The following WDR11 variants were observed in gnomAD, a reference collection of about 807,000 sequenced individuals.
The protein encoded by WDR11 is WD repeat-containing protein 11.
WDR11 carries 83 observed loss-of-function variants against 151.2 expected under a neutral mutation model. The ratio of observed to expected loss-of-function variants is 0.55; its 90% confidence interval spans 0.46 to 0.66. The LOEUF is 0.66. Among genes scored for constraint, WDR11 ranks in the 30% least tolerant of loss-of-function variants. WDR11 has a pLI of 0.00. For missense variants in WDR11, 1,301 were observed against 1,480.9 expected, an observed-to-expected ratio of 0.88 and a Z score of 1.99; for synonymous variants, 484 against 533.1, an observed-to-expected ratio of 0.91 and a Z score of 1.27.
chr10:120,872,326 T>A (rs879466067), intron 10 of WDR11, among the ~76,000 whole-genome samples: 22 of 152,226 alleles, frequency 1.4e-4, no homozygotes, highest in Admixed American at 1.3e-3. Context: ...AAACTGTTGA[T>A]TAATATTTCA....
At chr10:120,905,598 A>T in intron 26 of WDR11, 182 bp downstream of exon 26, 1 of 787,262 alleles carries the variant, frequency 1.3e-6, no homozygotes, top group Non-Finnish European at 2.1e-6. Context: ...TTATTTAAAA[A>T]TGGATCTTGC....
At chr10:120,857,394 G>C (rs1003811922) in intron 2 of WDR11, among the ~76,000 whole-genome samples, 5 of 152,106 alleles carry the variant, frequency 3.3e-5, no homozygotes, top group African/African-American at 1.2e-4. Context: ...TAGTGAGTAG[G>C]TAAATTGACA....
Position 120,866,966 on chromosome 10 carries a change from AATAG to A in WDR11, c.1191-94_1191-91del, listed in dbSNP as rs145698998. 1,864 of 1,118,558 alleles carry A rather than the reference AATAG, an allele frequency of 1.7e-3. 24 individuals are homozygous for A. The African/African-American group carries it at 0.024, about 15-fold the overall frequency. 69.3% of individuals were successfully genotyped at this position (1,118,558 alleles called of 1,614,324 possible). A position where few individuals can be genotyped will look rare whatever the true frequency, so the allele number is the denominator to read the frequency against. ...GGGTAAGATGAATGAATAATATAAA[AATAG>A]ATAGAATGCCATAATCTGGACTTAA... On this transcript the variant is annotated intron_variant, in intron 8 of 28. Coordinates refer to ENST00000263461, the MANE Select transcript of WDR11 (RefSeq NM_018117.12).
At chr10:120,860,964 A>G (rs1008206293) in intron 4 of WDR11, among the ~76,000 whole-genome samples, 25 of 152,354 alleles carry the variant, frequency 1.6e-4, no homozygotes, top group African/African-American at 6.0e-4. Flanking sequence ...AGTGAGAAGA[A>G]GTCATATCAT....
chr10:120,907,245 A>G (rs905890210), intron 28 of WDR11: 5 of 261,474 alleles, frequency 1.9e-5, no homozygotes, highest in South Asian at 5.0e-5. Context: ...TTTATCTAGA[A>G]AAAATATACT....
At chr10:120,886,888 T>C in intron 16 of WDR11, 52 bp downstream of exon 16, 1 of 1,603,940 alleles carries the variant, frequency 6.2e-7, no homozygotes. Context: ...TTTTGTTGGT[T>C]CCATATCCAG....
chr10:120,861,289 A>G (rs1564940183), intron 4 of WDR11, among the ~76,000 whole-genome samples: 1 of 152,206 alleles, frequency 6.6e-6, no homozygotes, highest in African/African-American at 2.4e-5. Context: ...TTGAAATTAT[A>G]ATAACATGGG....
intron 11 of WDR11, among the ~76,000 whole-genome samples, chr10:120,875,859 G>A (rs1381404887): frequency 6.0e-5 from 9 of 151,062 alleles, no homozygotes; most frequent in Non-Finnish European, 1.2e-4. Flanking sequence ...GTCATTTTCT[G>A]TTTTCTGTAC....
chr10:120,905,511 C>T (rs1848004229), intron 26 of WDR11, 95 bp downstream of exon 26: 1 of 1,321,632 alleles, frequency 7.6e-7, no homozygotes. Context: ...CATTTTTTGG[C>T]CTGCAAAGCT....
chr10:120,880,819 A>G lies in WDR11; in HGVS notation c.1664-7A>G, dbSNP rs1201340601. ...GTTCTCACTTTTTTAAATATTTGCA[A>G]TTAAAGGTAGGAGCATTGCTTTTCG... is the stretch of plus-strand genomic sequence containing the variant. On this transcript the variant is annotated splice_region_variant and splice_polypyrimidine_tract_variant and intron_variant, in intron 12 of 28. Coordinates refer to ENST00000263461, the MANE Select transcript of WDR11 (RefSeq NM_018117.12). The G allele has an allele frequency of 2.5e-6, 4 of 1,597,910 alleles. No homozygotes were observed. In the Admixed American group the frequency reaches 6.8e-5, roughly 27 times the overall value.
Position 120,906,800 on chromosome 10 carries a change from C to T in WDR11, c.3462C>T (p.Ala1154=). 1 of 1,614,138 alleles carries T rather than the reference C, an allele frequency of 6.2e-7. No individual in the cohort carries two copies. Among genetic ancestry groups the T allele is most frequent in the South Asian group, 1.1e-5 (1 of 91,064 alleles). Residue 1154 remains alanine (A), a synonymous_variant, in exon 28 of 29, where the codon GCC becomes GCT. Coordinates refer to ENST00000263461, the MANE Select transcript of WDR11 (RefSeq NM_018117.12). ...LHSMRYFDRA[A]LFVEACLKYG... is the part of the protein sequence containing the mutation. ...GCATGAGATACTTTGATAGAGCAGC[C>T]TTATTTGTGGAAGCTTGCCTCAAGT...
At chr10:120,853,062 C>CT (rs10668463) in intron 2 of WDR11, among the ~76,000 whole-genome samples, 1 of 151,820 alleles carries the variant, frequency 6.6e-6, no homozygotes, top group African/African-American at 2.4e-5. Context: ...TCACAGAAGT[C>CT]TACAGTTTCA....
intron 12 of WDR11, 155 bp from the exon 13 acceptor site, chr10:120,880,671 G>C (rs199521117): frequency 1.4e-6 from 1 of 709,440 alleles, no homozygotes; most frequent in Admixed American, 2.9e-5. Flanking sequence ...AAAAAAACCC[G>C]AAAAAACAGA....
intron 7 of WDR11, 147 bp from the exon 8 acceptor site, chr10:120,866,422 A>G (rs1846314457): frequency 2.4e-6 from 2 of 820,572 alleles, no homozygotes; most frequent in Non-Finnish European, 4.0e-6. Flanking sequence ...AAAATTTAGT[A>G]GTAATTGTAA....
At chr10:120,906,570 T>C in intron 27 of WDR11, 1 of 1,423,230 alleles carries the variant, frequency 7.0e-7, no homozygotes, top group Non-Finnish European at 9.1e-7. Flanking sequence ...TTTTTTAAAG[T>C]ATTAATTTTA....
intron 5 of WDR11, 128 bp downstream of exon 5, chr10:120,863,049 G>A: frequency 1.4e-6 from 1 of 698,054 alleles, no homozygotes; most frequent in Non-Finnish European, 2.4e-6. Context: ...GAATTTATTA[G>A]AGGAAAAAAA....
At chr10:120,871,544 T>G (rs1368486231) in intron 10 of WDR11, among the ~76,000 whole-genome samples, 198 bp downstream of exon 10, 3 of 152,094 alleles carry the variant, frequency 2.0e-5, no homozygotes, top group Non-Finnish European at 4.4e-5. Context: ...TATATTGAAT[T>G]GGAATGCTGA....
chr10:120,864,966 G>T lies in WDR11; in HGVS notation c.714-81G>T, dbSNP rs150044274. On this transcript the variant is annotated intron_variant, in intron 5 of 28. Coordinates refer to ENST00000263461, the MANE Select transcript of WDR11 (RefSeq NM_018117.12). ...GTACATTTTTATTGTCAATTTTTATGTGTAAAGTACAAAATTAAATCTTTT... is the reference window on the plus strand; with the variant it reads ...GTACATTTTTATTGTCAATTTTTATTTGTAAAGTACAAAATTAAATCTTTT... 4.9e-4 allele frequency: 735 copies of T among 1,497,244 alleles called. 5 individuals carry two copies. The African/African-American group carries it at 8.9e-3, about 18-fold the overall frequency. 92.7% of individuals were successfully genotyped at this position (1,497,244 alleles called of 1,614,324 possible).
chr10:120,886,700 AG>A lies in WDR11; in HGVS notation c.1987del (p.Ala663GlnfsTer36). 6.2e-7 allele frequency: 1 copy of A among 1,613,838 alleles called. No individual in the cohort carries two copies. On this transcript the variant is annotated frameshift_variant, in exon 16 of 29. Transcript: ENST00000263461. LOFTEE classifies it high-confidence loss of function. ...TCACTATCCCAAAGCTTGCTGCAGG[AG>A]GCAGAAAGTAAATCTGAACTTAGTC... Reference protein sequence around the residue: ...VESSVISLLQEAESKSELSQN... With the variant: ...VESSVISLLQXAESKSELSQN...
Sources: gnomAD v4.1 joint callset for allele counts (sites outside exome capture counted in the v4.1 genomes callset) on GRCh38, gnomAD v4.1.1 for gene constraint, MANE v1.5 for transcripts, NCBI Gene and HGNC (gene_info 2026-07-23, HGNC 2026-07-21) for gene names.